GFOD1: variants seen among roughly 807,000 people sequenced by gnomAD.
The protein encoded by GFOD1 is Gfo/Idh/MocA-like oxidoreductase domain containing 1.
A neutral mutation model predicts 25.4 loss-of-function variants in GFOD1; 9 were observed. The observed-to-expected ratio is 0.35, with a 90% CI of 0.21 to 0.62. The LOEUF (loss-of-function observed/expected upper bound fraction) is 0.62. Ranked by LOEUF, GFOD1 falls within the 20% of genes least tolerant of loss-of-function variation. The pLI is 0.72. For missense variants in GFOD1, 403 were observed against 556.9 expected (o/e 0.72, Z 2.78); for synonymous variants, 253 against 245.6 (o/e 1.03, Z -0.28).
chr6:13,402,317 C>CTA (rs1404959651), intron 1 of GFOD1, among the ~76,000 whole-genome samples: 2 of 152,136 alleles, frequency 1.3e-5, no homozygotes, highest in Non-Finnish European at 2.9e-5. Flanking sequence ...AGACAAGTGA[C>CTA]TATATATAAC....
chr6:13,402,157 G>A (rs1450184231), intron 1 of GFOD1, among the ~76,000 whole-genome samples: 2 of 152,202 alleles, frequency 1.3e-5, no homozygotes, highest in Non-Finnish European at 2.9e-5. Flanking sequence ...GAAGTTGGAG[G>A]CCTATCTCAT....
chr6:13,433,595 T>G (rs1757786284), intron 1 of GFOD1, among the ~76,000 whole-genome samples: 1 of 152,136 alleles, frequency 6.6e-6, no homozygotes, highest in Non-Finnish European at 1.5e-5. Flanking sequence ...TGAACATCAC[T>G]GGGTTAAGCT....
intron 1 of GFOD1, among the ~76,000 whole-genome samples, chr6:13,484,659 T>C (rs1476383517): frequency 6.6e-6 from 1 of 152,102 alleles, no homozygotes; most frequent in Non-Finnish European, 1.5e-5. Flanking sequence ...ATTTGAAAAA[T>C]AAGAACAGAA....
At chr6:13,457,362 G>A (rs1584663282) in intron 1 of GFOD1, among the ~76,000 whole-genome samples, 1 of 152,194 alleles carries the variant, frequency 6.6e-6, no homozygotes, top group South Asian at 2.1e-4. Flanking sequence ...TGAGAAATCA[G>A]CCTGCCATAA....
At position 13,360,715 on chromosome 6, in the gene GFOD1, A is replaced by T; in HGVS notation, c.*4028T>A. 2.2e-6 allele frequency: 1 copy of T among 456,766 alleles called. No individual in the cohort carries two copies. Among genetic ancestry groups the T allele is most frequent in the Non-Finnish European group, 4.4e-6 (1 of 226,976 alleles). The allele number at this position is 456,766 out of a possible 1,614,324, so 28.3% of individuals were successfully genotyped here. ...CTACAGCCTCCTGGCAGAACATCAG[A>T]TGTTGCATCCTGCTGAACAGGAGGG... is the stretch of plus-strand genomic sequence containing the variant. On this transcript the variant is annotated 3_prime_UTR_variant, in exon 2 of 2. Coordinates refer to ENST00000379287, the MANE Select transcript of GFOD1 (RefSeq NM_018988.4).
chr6:13,466,227 C>T (rs1028022471), intron 1 of GFOD1, among the ~76,000 whole-genome samples: 20 of 152,232 alleles, frequency 1.3e-4, no homozygotes, highest in Non-Finnish European at 2.5e-4. Context: ...AGTGCCTTCT[C>T]TTTATTGCCA....
chr6:13,469,933 T>C, intron 1 of GFOD1: 1 of 1,304,884 alleles, frequency 7.7e-7, no homozygotes, highest in Non-Finnish European at 1.0e-6. Flanking sequence ...TCTCTTCTCT[T>C]TCCAAAAGTG....
intron 1 of GFOD1, among the ~76,000 whole-genome samples, chr6:13,423,161 A>G (rs1245213695): frequency 6.6e-6 from 1 of 152,138 alleles, no homozygotes; most frequent in East Asian, 1.9e-4. Flanking sequence ...AAAAGACAAT[A>G]AGGGAATGAA....
At chr6:13,463,458 G>A (rs1758326719) in intron 1 of GFOD1, among the ~76,000 whole-genome samples, 1 of 152,188 alleles carries the variant, frequency 6.6e-6, no homozygotes, top group South Asian at 2.1e-4. Flanking sequence ...CTACCATGTT[G>A]GACAGCGCAA....
chr6:13,416,028 G>A (rs967746436), intron 1 of GFOD1, among the ~76,000 whole-genome samples: 7 of 152,102 alleles, frequency 4.6e-5, no homozygotes, highest in Non-Finnish European at 8.8e-5. Context: ...TTCCCTGGTG[G>A]GTAGTGACTG....
rs1045511251 is a variant in GFOD1, at chr6:13,430,385, C to G, written c.253+56253G>C. On this transcript the variant is annotated intron_variant, in intron 1 of 1. Coordinates refer to ENST00000379287, the MANE Select transcript of GFOD1 (RefSeq NM_018988.4). The surrounding 1 kb of genome is among the most constrained non-coding windows in gnomAD (Gnocchi z 4.1). Reference sequence around the variant, plus strand: ...CTGGGAGGCAGAGGTTGCAGTGATCCGAGATCACACCACTGCACTCCAGCC... The same window carrying G: ...CTGGGAGGCAGAGGTTGCAGTGATCGGAGATCACACCACTGCACTCCAGCC... Among the ~76,000 whole-genome samples the G allele has an allele frequency of 1.3e-5, 2 of 152,042 alleles. No homozygotes were observed. The highest frequency in any genetic ancestry group is 2.1e-4 in the South Asian group (1 of 4,788).
At chr6:13,425,451 G>C (rs1786335469) in intron 1 of GFOD1, among the ~76,000 whole-genome samples, 1 of 152,122 alleles carries the variant, frequency 6.6e-6, no homozygotes, top group South Asian at 2.1e-4. Context: ...ACTACCCTGG[G>C]GCTGATGTTC....
intron 1 of GFOD1, among the ~76,000 whole-genome samples, chr6:13,366,165 ATTAC>A (rs1030777297): frequency 6.6e-6 from 1 of 152,044 alleles, no homozygotes; most frequent in Non-Finnish European, 1.5e-5. Flanking sequence ...TTTATGTTGC[ATTAC>A]TTAATTTGTT....
intron 1 of GFOD1, among the ~76,000 whole-genome samples, chr6:13,409,122 A>G (rs993773916): frequency 1.5e-5 from 1 of 65,470 alleles, no homozygotes; most frequent in African/African-American, 3.7e-5. Context: ...AGAAAGAAAG[A>G]AAGAAAGAAA....
At chr6:13,376,114 T>C (rs914358119) in intron 1 of GFOD1, among the ~76,000 whole-genome samples, 1 of 152,182 alleles carries the variant, frequency 6.6e-6, no homozygotes, top group Admixed American at 6.5e-5. Context: ...TCCAAGCTAG[T>C]GGCCAGCTTC....
At position 13,402,950 on chromosome 6, in the gene GFOD1, G is replaced by A. The variant is rs116474784; in HGVS notation, c.254-37288C>T. On this transcript the variant is annotated intron_variant, in intron 1 of 1. Transcript: ENST00000379287. ...TCCAAATGTCCATCAACCGATGAAT[G>A]AATAAACAAAAGGTGGTACAGTCAT... 1.9e-3 allele frequency among the ~76,000 whole-genome samples: 290 copies of A among 152,276 alleles called. 1 individual carries two copies. The highest frequency in any genetic ancestry group is 6.8e-3 in the African/African-American group (282 of 41,550).
chr6:13,450,495 C>T (rs1371280698), intron 1 of GFOD1, among the ~76,000 whole-genome samples: 1 of 152,128 alleles, frequency 6.6e-6, no homozygotes, highest in Non-Finnish European at 1.5e-5. Context: ...TGAAGCACAA[C>T]CAGCAAAGAG....
At chr6:13,400,491 C>T (rs973995406) in intron 1 of GFOD1, among the ~76,000 whole-genome samples, 1 of 152,204 alleles carries the variant, frequency 6.6e-6, no homozygotes, top group Non-Finnish European at 1.5e-5. Context: ...ACTTTCTTAG[C>T]AGGGATCAGG....
chr6:13,404,556 A>T (rs185201756), intron 1 of GFOD1, among the ~76,000 whole-genome samples: 1 of 152,166 alleles, frequency 6.6e-6, no homozygotes, highest in South Asian at 2.1e-4. Context: ...TGAAGATACC[A>T]CCAGCCTCAA....
Sources: gnomAD v4.1 joint callset for allele counts (sites outside exome capture counted in the v4.1 genomes callset) on GRCh38, gnomAD v4.1.1 for gene constraint, Gnocchi (gnomAD v3.1) non-coding constraint, MANE v1.5 for transcripts, NCBI Gene and HGNC (gene_info 2026-07-23, HGNC 2026-07-21) for gene names.